The following SIAH3 variants were observed in gnomAD, a reference collection of about 807,000 sequenced individuals.
The protein encoded by SIAH3 is siah E3 ubiquitin protein ligase family member 3.
Under a neutral mutation model 12.6 loss-of-function variants are expected in SIAH3, and 9 were observed. The observed-to-expected ratio is 0.72, with a 90% confidence interval of 0.43 to 1.25. The LOEUF is 1.25. Among genes scored for constraint, SIAH3 ranks in the 50% most tolerant of loss-of-function variants. The pLI, the probability that SIAH3 is intolerant of heterozygous loss-of-function variation, is 0.00. For synonymous variants in SIAH3, 154 were observed against 151.1 expected (o/e 1.02, Z -0.14); for missense variants, 390 against 365.4 (o/e 1.07, Z -0.55).
At chr13:45,790,300 G>A (rs1950541739) in intron 1 of SIAH3, among the ~76,000 whole-genome samples, 1 of 152,158 alleles carries the variant, frequency 6.6e-6, no homozygotes, top group South Asian at 2.1e-4. Flanking sequence ...TGACAACTTT[G>A]TGAACAAAAC....
In SIAH3 at chr13:45,779,723, C is replaced by G. The variant is rs989465172; in HGVS notation, c.*3660G>C. 2 of 152,174 alleles carry G rather than the reference C, an allele frequency of 1.3e-5. No individual in the cohort carries two copies. The highest frequency in any genetic ancestry group is 2.1e-4 in the South Asian group (1 of 4,826). 9.4% of individuals were successfully genotyped at this position (152,174 alleles called of 1,614,324 possible). A position where few individuals can be genotyped will look rare whatever the true frequency, so the allele number is the denominator to read the frequency against. On this transcript the variant is annotated 3_prime_UTR_variant, in exon 2 of 2. Transcript: ENST00000400405. ...GATCTACTATATTCAAAGTACGCAGCCTACTGGATCATATAGAAAAGCCTC... is the reference window on the plus strand; with the variant it reads ...GATCTACTATATTCAAAGTACGCAGGCTACTGGATCATATAGAAAAGCCTC...
Position 45,839,988 on chromosome 13 carries a change from T to C in SIAH3, c.135+11507A>G, listed in dbSNP as rs1199525955. Among the ~76,000 whole-genome samples, 4 of 152,196 alleles carry C rather than the reference T, an allele frequency of 2.6e-5. No individual in the cohort carries two copies. The South Asian group carries it at 8.3e-4, about 32-fold the overall frequency. On this transcript the variant is annotated intron_variant, in intron 1 of 1. Transcript: ENST00000400405. ...AAAGCAAGAGCTAGACCTGGTGCCATGGCTGACGCCTGAAATCCCAGCACT... is the reference window on the plus strand; with the variant it reads ...AAAGCAAGAGCTAGACCTGGTGCCACGGCTGACGCCTGAAATCCCAGCACT...
At chr13:45,825,773 T>C (rs1452849419) in intron 1 of SIAH3, among the ~76,000 whole-genome samples, 1 of 152,198 alleles carries the variant, frequency 6.6e-6, no homozygotes. Flanking sequence ...CCTCATATCA[T>C]ACCTGTTCTG....
rs115380071 is a variant in SIAH3 at position 45,833,911 on chromosome 13, C to T, written c.135+17584G>A. Among the ~76,000 whole-genome samples the T allele has an allele frequency of 6.1e-3, 935 of 152,082 alleles. 17 individuals are homozygous for T. Among genetic ancestry groups the T allele is most frequent in the African/African-American group, 0.022 (898 of 41,484 alleles). On this transcript the variant is annotated intron_variant, in intron 1 of 1. Transcript: ENST00000400405. The stretch of plus-strand genomic sequence containing the variant: ...TTTTAACAATCAATCAGGAGTTTTC[C>T]TGAGGCGTCTGCACAGACTTTTGGC...
rs756074812 is a variant in SIAH3, at chr13:45,851,554, G to C, written c.76C>G (p.Arg26Gly). Residue 26 changes from arginine (R) to glycine (G), a missense_variant, in exon 1 of 2, where the codon CGG (arginine) becomes GGG (glycine). Coordinates refer to ENST00000400405, the MANE Select transcript of SIAH3 (RefSeq NM_198849.3). ...HLRFQHYKAK[R>G]VFSAAGQLVC... ...AGTTGCCCGGCAGCGGAGAAAACCC[G>C]TTTAGCCTTGTAGTGCTGAAACCGG... The C allele has an allele frequency of 3.7e-6, 6 of 1,614,026 alleles. No homozygotes were observed. The highest frequency in any genetic ancestry group is 1.1e-5 in the South Asian group (1 of 91,078).
At chr13:45,784,882 C>A (rs1950522789) in intron 1 of SIAH3, among the ~76,000 whole-genome samples, 1 of 152,220 alleles carries the variant, frequency 6.6e-6, no homozygotes, top group African/African-American at 2.4e-5. Flanking sequence ...TGAGCATCTG[C>A]TGTGGCCAGG....
chr13:45,823,847 C>A (rs1420879728), intron 1 of SIAH3, among the ~76,000 whole-genome samples: 2 of 152,202 alleles, frequency 1.3e-5, no homozygotes, highest in Non-Finnish European at 2.9e-5. Context: ...TGGGCTGTGA[C>A]CTGGTGTGAC....
intron 1 of SIAH3, among the ~76,000 whole-genome samples, chr13:45,820,183 G>A (rs941170094): frequency 6.6e-6 from 1 of 152,174 alleles, no homozygotes; most frequent in South Asian, 2.1e-4. Flanking sequence ...CCTGAATTTA[G>A]GAGGGGACAC....
At chr13:45,839,162 C>T (rs1950730054) in intron 1 of SIAH3, among the ~76,000 whole-genome samples, 1 of 151,842 alleles carries the variant, frequency 6.6e-6, no homozygotes, top group Non-Finnish European at 1.5e-5. Context: ...GTGTTACATG[C>T]TAAAAGCCAC....
At chr13:45,847,766 T>G (rs758076231) in intron 1 of SIAH3, among the ~76,000 whole-genome samples, 11 of 151,090 alleles carry the variant, frequency 7.3e-5, no homozygotes, top group Admixed American at 1.3e-4. Context: ...ATTTTACTAT[T>G]CTTCTTTCAG....
intron 1 of SIAH3, among the ~76,000 whole-genome samples, chr13:45,826,380 A>G (rs377532431): frequency 0.91 from 95,862 of 105,134 alleles, 47,104 homozygotes; most frequent in Non-Finnish European, 0.95. Flanking sequence ...TGGATGAATG[A>G]ATGGATGGAT....
intron 1 of SIAH3, among the ~76,000 whole-genome samples, chr13:45,803,027 G>T (rs555544678): frequency 6.6e-6 from 1 of 151,762 alleles, no homozygotes; most frequent in African/African-American, 2.4e-5. Flanking sequence ...AGCTGAGATC[G>T]CTCACTGCAC....
At chr13:45,827,155 C>T (rs74071844) in intron 1 of SIAH3, among the ~76,000 whole-genome samples, 5,224 of 152,226 alleles carry the variant, frequency 0.034, 281 homozygotes, top group African/African-American at 0.11. Flanking sequence ...AGCTCTGGTC[C>T]GTGAAACTTA....
chr13:45,789,616 G>C (rs112640987), intron 1 of SIAH3, among the ~76,000 whole-genome samples: 1 of 151,980 alleles, frequency 6.6e-6, no homozygotes, highest in Non-Finnish European at 1.5e-5. Flanking sequence ...CATGTTGGCC[G>C]GGCTGCTCTT....
At chr13:45,786,693 C>T (rs1384806523) in intron 1 of SIAH3, among the ~76,000 whole-genome samples, 1 of 152,192 alleles carries the variant, frequency 6.6e-6, no homozygotes, top group Non-Finnish European at 1.5e-5. Flanking sequence ...TGGGTGAAGA[C>T]TTGGCAGCCT....
Position 45,783,897 on chromosome 13 carries a change from G to A in SIAH3, c.296C>T (p.Ala99Val), listed in dbSNP as rs1486494587. The A allele has an allele frequency of 3.7e-6, 6 of 1,612,144 alleles. No homozygotes were observed. The highest frequency in any genetic ancestry group is 1.3e-5 in the African/African-American group (1 of 74,922). The change falls in exon 2 of 2, where the codon GCC (alanine) becomes GTC (valine). Residue 99 changes from alanine (A) to valine (V), a missense_variant. Transcript: ENST00000400405. ...GCACAGGCAGGGCGTCACCGGGTTG[G>A]CGTGCAGCCCCGCCTCCTGGTGGTG... ...HLHHQEAGLH[A>V]NPVTPCLCMC...
At chr13:45,809,584 C>T (rs1206228624) in intron 1 of SIAH3, among the ~76,000 whole-genome samples, 1 of 152,186 alleles carries the variant, frequency 6.6e-6, no homozygotes, top group African/African-American at 2.4e-5. Context: ...ACTGCTTACC[C>T]AAGAAGTCCC....
In SIAH3 at chr13:45,779,356, A is replaced by G. The variant is rs1950495429; in HGVS notation, c.*4027T>C. 1 of 152,250 alleles carries G rather than the reference A, an allele frequency of 6.6e-6. No homozygotes were observed. Among genetic ancestry groups the G allele is most frequent in the South Asian group, 2.1e-4 (1 of 4,832 alleles). 9.4% of individuals were successfully genotyped at this position (152,250 alleles called of 1,614,324 possible). A position where few individuals can be genotyped will look rare whatever the true frequency, so the allele number is the denominator to read the frequency against. Reference sequence around the variant, plus strand: ...CAAAATTCCTGAAAGATTAACAACCAGAATACAAGCAGCTCTAGTACTCCA... The same window carrying G: ...CAAAATTCCTGAAAGATTAACAACCGGAATACAAGCAGCTCTAGTACTCCA... On this transcript the variant is annotated 3_prime_UTR_variant, in exon 2 of 2. Coordinates refer to ENST00000400405, the MANE Select transcript of SIAH3 (RefSeq NM_198849.3).
chr13:45,833,875 C>T (rs954858957), intron 1 of SIAH3, among the ~76,000 whole-genome samples: 3 of 152,168 alleles, frequency 2.0e-5, no homozygotes, highest in African/African-American at 7.2e-5. Context: ...CCAGGAAGAG[C>T]TCAGCCAGGC....
Sources: allele counts gnomAD v4.1 joint callset (sites outside exome capture counted in the v4.1 genomes callset), GRCh38; gene constraint gnomAD v4.1.1; transcripts MANE v1.5; gene names NCBI Gene and HGNC (gene_info 2026-07-23, HGNC 2026-07-21).